RBFOX1: variants seen among roughly 807,000 people sequenced by gnomAD.
RBFOX1 encodes RNA binding fox-1 homolog 1.
Under a neutral mutation model 57.7 loss-of-function variants are expected in RBFOX1, and 8 were observed. That is an observed-to-expected ratio of 0.14 (90% CI 0.08 to 0.25). RBFOX1 has a LOEUF of 0.25. Among genes scored for constraint, RBFOX1 ranks in the 10% least tolerant of loss-of-function variants. The pLI is 1.00. For missense variants in RBFOX1, 611 were observed against 548.5 expected (o/e 1.11, Z -1.14); for synonymous variants, 326 against 222.4 (o/e 1.47, Z -4.15).
chr16:5,557,259 C>T (rs192024753), intron 2 of RBFOX1, among the ~76,000 whole-genome samples: 28 of 143,572 alleles, frequency 2.0e-4, no homozygotes, highest in Admixed American at 1.8e-3. Flanking sequence ...GACTCCATCT[C>T]AATAAATAAA....
chr16:6,822,815 T>C (rs1239456344), intron 3 of RBFOX1, among the ~76,000 whole-genome samples: 1 of 152,184 alleles, frequency 6.6e-6, no homozygotes, highest in Non-Finnish European at 1.5e-5. Context: ...AGGTTAAGCC[T>C]TTTGAGAGCA....
At chr16:7,589,585 G>C (rs1034982) in intron 7 of RBFOX1, among the ~76,000 whole-genome samples, 35,045 of 151,588 alleles carry the variant, frequency 0.23, 4,582 homozygotes, top group African/African-American at 0.35. Context: ...TTGTCTTGCA[G>C]GTGTTGGAGC....
At chr16:5,915,511 C>T (rs1346308540) in intron 4 of RBFOX1, among the ~76,000 whole-genome samples, 1 of 152,066 alleles carries the variant, frequency 6.6e-6, no homozygotes, top group Admixed American at 6.6e-5. Context: ...CAGAGAGGAC[C>T]TACTTTTAGT....
chr16:6,920,872 C>T (rs1166470408), intron 3 of RBFOX1, among the ~76,000 whole-genome samples: 1 of 152,140 alleles, frequency 6.6e-6, no homozygotes, highest in African/African-American at 2.4e-5. Flanking sequence ...GCTTTATTTC[C>T]AAATAGGGTC....
intron 4 of RBFOX1, among the ~76,000 whole-genome samples, chr16:7,241,703 A>T (rs1324083552): frequency 6.6e-6 from 1 of 152,160 alleles, no homozygotes; most frequent in African/African-American, 2.4e-5. Context: ...GACAAATGTG[A>T]TACAAATGGA....
chr16:6,466,564 C>G (rs1420744593), intron 2 of RBFOX1, among the ~76,000 whole-genome samples: 2 of 152,098 alleles, frequency 1.3e-5, no homozygotes, highest in African/African-American at 4.8e-5. Context: ...TGGGTTAAGA[C>G]CATTGGAGAC....
intron 4 of RBFOX1, among the ~76,000 whole-genome samples, chr16:7,093,232 C>T (rs559049668): frequency 6.6e-6 from 1 of 152,264 alleles, no homozygotes; most frequent in Non-Finnish European, 1.5e-5. Context: ...GAGAAAATGG[C>T]CCAGCAGACT....
chr16:7,335,771 C>T (rs1332604267), intron 4 of RBFOX1, among the ~76,000 whole-genome samples: 1 of 152,164 alleles, frequency 6.6e-6, no homozygotes, highest in African/African-American at 2.4e-5. Context: ...CTGCCCTACC[C>T]TTCCTCCTTT....
In RBFOX1 at chr16:7,379,643, C is replaced by G. The variant is rs117007933; in HGVS notation, c.28-138504C>G. Among the ~76,000 whole-genome samples, 60 of 152,278 alleles carry G rather than the reference C, an allele frequency of 3.9e-4. No homozygotes were observed. In the East Asian group the frequency reaches 9.5e-3, roughly 24 times the overall value. The stretch of plus-strand genomic sequence containing the variant: ...GTAGAGGTGAGGCAGAGGGCTACAT[C>G]TCAGGAGGGTTTTAGACAGGGTATT... On this transcript the variant is annotated intron_variant, in intron 4 of 15. Coordinates refer to ENST00000550418, the MANE Select transcript of RBFOX1 (RefSeq NM_018723.4).
chr16:5,800,752 A>C (rs1325994706), intron 3 of RBFOX1, among the ~76,000 whole-genome samples: 1 of 152,142 alleles, frequency 6.6e-6, no homozygotes, highest in African/African-American at 2.4e-5. Flanking sequence ...TCAGATAGCT[A>C]ACAGGGCCGC....
intron 4 of RBFOX1, among the ~76,000 whole-genome samples, chr16:7,090,210 TGAA>T (rs1367602183): frequency 6.6e-6 from 1 of 152,132 alleles, no homozygotes; most frequent in African/African-American, 2.4e-5. Context: ...AAAGTGAAAA[TGAA>T]GAGACAAGGA....
intron 2 of RBFOX1, among the ~76,000 whole-genome samples, chr16:6,514,657 A>T (rs183597089): frequency 9.9e-5 from 15 of 152,108 alleles, no homozygotes; most frequent in African/African-American, 2.7e-4. Flanking sequence ...TCCATCTCTA[A>T]CATGACCACA....
chr16:6,765,810 G>T (rs2077245650), intron 3 of RBFOX1, among the ~76,000 whole-genome samples: 2 of 152,138 alleles, frequency 1.3e-5, no homozygotes, highest in Non-Finnish European at 2.9e-5. Flanking sequence ...CCATAAAAAA[G>T]AATGAAATAA....
At chr16:6,930,027 C>A (rs558102356) in intron 3 of RBFOX1, among the ~76,000 whole-genome samples, 2 of 152,272 alleles carry the variant, frequency 1.3e-5, no homozygotes, top group Admixed American at 6.5e-5. Context: ...CTCTTCTCTC[C>A]ACATCCTTGC....
intron 4 of RBFOX1, among the ~76,000 whole-genome samples, chr16:7,455,793 A>AAG (rs2058384987): frequency 6.6e-6 from 1 of 150,834 alleles, no homozygotes; most frequent in South Asian, 2.1e-4. Context: ...CTCAAAAAAA[A>AAG]AAAAAAAAGA....
chr16:7,626,347 G>A (rs1444061982), intron 10 of RBFOX1, among the ~76,000 whole-genome samples: 1 of 152,186 alleles, frequency 6.6e-6, no homozygotes, highest in Non-Finnish European at 1.5e-5. Flanking sequence ...AGCAGAAAGG[G>A]TTCCGATGCC....
At chr16:5,935,196 A>G (rs2059143526) in intron 4 of RBFOX1, among the ~76,000 whole-genome samples, 1 of 152,128 alleles carries the variant, frequency 6.6e-6, no homozygotes, top group Non-Finnish European at 1.5e-5. Flanking sequence ...CCAATCCCCT[A>G]CAATCTAAAA....
At chr16:5,382,766 A>G (rs1313703173) in intron 1 of RBFOX1, among the ~76,000 whole-genome samples, 1 of 152,270 alleles carries the variant, frequency 6.6e-6, no homozygotes. Context: ...ATTAAAGAGC[A>G]AACATCAGAT....
chr16:7,276,545 C>T (rs540495393), intron 4 of RBFOX1, among the ~76,000 whole-genome samples: 1 of 151,980 alleles, frequency 6.6e-6, no homozygotes, highest in Non-Finnish European at 1.5e-5. Flanking sequence ...AGGCTTCTAT[C>T]CTTGACTGAT....
Sources: gnomAD v4.1 joint callset for allele counts (sites outside exome capture counted in the v4.1 genomes callset) on GRCh38, gnomAD v4.1.1 for gene constraint, MANE v1.5 for transcripts, NCBI Gene and HGNC (gene_info 2026-07-23, HGNC 2026-07-21) for gene names.